The following PKD1L1 variants were observed in gnomAD, a reference collection of about 807,000 sequenced individuals.
PKD1L1 encodes the protein polycystin-1-like protein 1.
Under a neutral mutation model 323.4 loss-of-function variants are expected in PKD1L1, and 236 were observed. That is an observed-to-expected ratio of 0.73 (90% CI 0.66 to 0.81). The LOEUF is 0.81. Ranked by LOEUF, PKD1L1 falls within the 40% of genes least tolerant of loss-of-function variation. The pLI, the probability that PKD1L1 is intolerant of heterozygous loss-of-function variation, is 0.00. For missense variants in PKD1L1, 3,320 were observed against 3,508.0 expected (o/e 0.95, Z 1.35); for synonymous variants, 1,344 against 1,335.0 (o/e 1.01, Z -0.15).
At chr7:47,830,425 T>TATAATA (rs377106541) in intron 42 of PKD1L1, among the ~76,000 whole-genome samples, 8 of 151,674 alleles carry the variant, frequency 5.3e-5, no homozygotes, top group African/African-American at 1.9e-4. Context: ...TGGGTTGGGG[T>TATAATA]ATAATAATAA....
chr7:47,851,764 ACAGT>A (rs1490529614), intron 31 of PKD1L1, among the ~76,000 whole-genome samples: 2 of 152,182 alleles, frequency 1.3e-5, no homozygotes, highest in African/African-American at 2.4e-5. Context: ...TCATGAGGAA[ACAGT>A]CAGGCAATTT....
intron 47 of PKD1L1, among the ~76,000 whole-genome samples, chr7:47,814,489 C>T (rs1784972989): frequency 6.6e-6 from 1 of 152,162 alleles, no homozygotes; most frequent in Admixed American, 6.5e-5. Flanking sequence ...AAGCAATTCT[C>T]CTGCCTCAGC....
chr7:47,821,430 G>A (rs189339151), intron 45 of PKD1L1, among the ~76,000 whole-genome samples: 1 of 151,012 alleles, frequency 6.6e-6, no homozygotes, highest in Non-Finnish European at 1.5e-5. Context: ...CACCACGCTC[G>A]GCTAACTTTT....
At chr7:47,884,741 A>G in intron 18 of PKD1L1, 84 bp from the exon 19 acceptor site, 1 of 1,095,554 alleles carries the variant, frequency 9.1e-7, no homozygotes, top group South Asian at 1.3e-5. Flanking sequence ...GATGGGTCAC[A>G]TTGTCCTTGG....
rs550861809 is a variant in PKD1L1 at position 47,837,020 on chromosome 7, G to A, written c.5844C>T (p.Ser1948=). 98 of 1,614,146 alleles carry A rather than the reference G, an allele frequency of 6.1e-5. 1 individual carries two copies. The East Asian group carries it at 1.3e-3, about 22-fold the overall frequency. ...VWLSVYSRPS[S]SRYLHTPRLT... ...GGCGCGGCGTGTGCAGGTAGCGGCT[G>A]GAGGAGGGCCTGCTGTACACCGACA... is the stretch of plus-strand genomic sequence containing the variant. Residue 1948 remains serine, a synonymous_variant, in exon 37 of 57, where the codon TCC becomes TCT. Transcript: ENST00000289672.
intron 28 of PKD1L1, among the ~76,000 whole-genome samples, chr7:47,856,988 G>A (rs1052273608): frequency 3.9e-5 from 6 of 152,142 alleles, no homozygotes; most frequent in African/African-American, 7.2e-5. Flanking sequence ...CAAAGCTTCC[G>A]AGTGAATGTC....
chr7:47,913,517 A>AC (rs983067867), intron 8 of PKD1L1, among the ~76,000 whole-genome samples: 1 of 151,854 alleles, frequency 6.6e-6, no homozygotes, highest in African/African-American at 2.4e-5. Flanking sequence ...GTTTAGTGTC[A>AC]CCCCCAATCC....
rs1212764391 is a variant in PKD1L1, at chr7:47,835,117, G to T, written c.6054+16C>A. On this transcript the variant is annotated intron_variant, in intron 38 of 56. Transcript: ENST00000289672. ...CTGCTCAGGAGAACAGGGCCATGAG[G>T]ACAAGTCGCAGGTACCTTGCTGAGC... The T allele has an allele frequency of 1.2e-6, 2 of 1,601,270 alleles. No homozygotes were observed. Among genetic ancestry groups the T allele is most frequent in the Non-Finnish European group, 1.7e-6 (2 of 1,172,538 alleles).
intron 2 of PKD1L1, among the ~76,000 whole-genome samples, chr7:47,942,269 C>T (rs1472802365): frequency 1.3e-5 from 2 of 152,176 alleles, no homozygotes; most frequent in African/African-American, 4.8e-5. Flanking sequence ...TGGCAATCCT[C>T]GCAGTCTTCA....
chr7:47,915,806 G>A (rs896940070), intron 7 of PKD1L1, among the ~76,000 whole-genome samples: 2 of 151,932 alleles, frequency 1.3e-5, no homozygotes, highest in African/African-American at 4.8e-5. Context: ...AACTATAAGA[G>A]CCTATTTTGC....
At position 47,931,189 on chromosome 7, in the gene PKD1L1, G is replaced by T; in HGVS notation, c.652C>A (p.Pro218Thr). Residue 218 changes from proline (P) to threonine (T), a missense_variant, in exon 6 of 57, where the codon CCC becomes ACC. Transcript: ENST00000289672. The part of the protein sequence containing the change: ...LLPGTVTMET[P>T]TKVARPTQTS... The stretch of plus-strand genomic sequence containing the variant: ...TGAGTGGGTCTGGCCACCTTGGTGG[G>T]GGTCTCCATCGTGACAGTCCCAGGA... 4 of 1,614,196 alleles carry T rather than the reference G, an allele frequency of 2.5e-6. No individual in the cohort carries two copies. The highest frequency in any genetic ancestry group is 3.4e-6 in the Non-Finnish European group (4 of 1,180,046).
chr7:47,949,293 C>T (rs1022841282), upstream of PKD1L1, among the ~76,000 whole-genome samples: 2 of 138,534 alleles, frequency 1.4e-5, no homozygotes, highest in African/African-American at 2.7e-5. Context: ...TGCTCGAAAC[C>T]GAGAGGCGGA....
intron 7 of PKD1L1, 81 bp downstream of exon 7, chr7:47,929,123 T>C (rs1014066568): frequency 2.1e-5 from 30 of 1,418,724 alleles, no homozygotes; most frequent in South Asian, 1.1e-4. Context: ...CAGTTTCTTT[T>C]CTTTTCCCAA....
At chr7:47,944,014 G>A (rs1401566269) in intron 1 of PKD1L1, among the ~76,000 whole-genome samples, 1 of 152,234 alleles carries the variant, frequency 6.6e-6, no homozygotes, top group African/African-American at 2.4e-5. Context: ...CAGACACAGA[G>A]TAGGCACTGC....
Position 47,808,355 on chromosome 7 carries a change from A to G in PKD1L1, c.7719T>C (p.Tyr2573=). Residue 2573 remains tyrosine (Y), a synonymous_variant, in exon 52 of 57, where the codon TAT becomes TAC. Transcript: ENST00000289672. ...LSVVGVSLTY[Y]AVSGHLVTLA... ...GAGTAACAAGGTGGCCGGAAACTGC[A>G]TAGTAGGTGAGGCTCACTCCAACCA... The G allele has an allele frequency of 1.2e-6, 2 of 1,614,166 alleles. No individual in the cohort carries two copies. Among genetic ancestry groups the G allele is most frequent in the Non-Finnish European group, 8.5e-7 (1 of 1,180,030 alleles).
At chr7:47,792,908 T>C (rs908775738) in intron 55 of PKD1L1, 111 bp from the exon 56 acceptor site, 1 of 1,004,960 alleles carries the variant, frequency 1.0e-6, no homozygotes, top group African/African-American at 1.6e-5. Flanking sequence ...TTGGGCTATG[T>C]TAGGAAACAT....
intron 54 of PKD1L1, 38 bp downstream of exon 54, chr7:47,800,611 C>T: frequency 1.3e-6 from 2 of 1,597,720 alleles, no homozygotes; most frequent in Non-Finnish European, 1.7e-6. Context: ...GAAACTTTTA[C>T]AAACCATAAC....
chr7:47,923,265 C>T (rs1235136260), intron 7 of PKD1L1, among the ~76,000 whole-genome samples: 2 of 151,382 alleles, frequency 1.3e-5, no homozygotes, highest in Admixed American at 1.3e-4. Flanking sequence ...CTGACCTTCC[C>T]TCCAGTATTG....
chr7:47,873,041 T>C (rs755564430), intron 24 of PKD1L1, among the ~76,000 whole-genome samples: 1 of 152,212 alleles, frequency 6.6e-6, no homozygotes, highest in Non-Finnish European at 1.5e-5. Context: ...AACATTCACA[T>C]GCTCAGTGAA....
Sources: gnomAD v4.1 joint callset for allele counts (sites outside exome capture counted in the v4.1 genomes callset) on GRCh38, gnomAD v4.1.1 for gene constraint, MANE v1.5 for transcripts, NCBI Gene and HGNC (gene_info 2026-07-23, HGNC 2026-07-21) for gene names.